EIF2B3: variants seen among roughly 807,000 people sequenced by gnomAD.
EIF2B3 encodes translation initiation factor eIF2B subunit gamma.
EIF2B3 carries 20 observed loss-of-function variants against 54.1 expected under a neutral mutation model. The ratio of observed to expected loss-of-function variants is 0.37; its 90% CI spans 0.26 to 0.54. The LOEUF (loss-of-function observed/expected upper bound fraction) is 0.54, where lower values mean the gene tolerates loss of function less well. EIF2B3 is among the 20% of genes least tolerant of loss of function. The pLI is 0.86. For missense variants in EIF2B3, 448 were observed against 547.8 expected (o/e 0.82, Z 1.82); for synonymous variants, 153 against 188.1 (o/e 0.81, Z 1.52).
intron 5 of EIF2B3, among the ~76,000 whole-genome samples, chr1:44,901,550 CTTTT>C (rs36059931): frequency 3.6e-5 from 4 of 111,574 alleles, no homozygotes; most frequent in East Asian, 2.6e-4. Flanking sequence ...TGGGCCTGGC[CTTTT>C]TTTTTTTTTT....
At chr1:44,898,917 C>T (rs1446934086) in intron 5 of EIF2B3, among the ~76,000 whole-genome samples, 1 of 152,080 alleles carries the variant, frequency 6.6e-6, no homozygotes, top group Non-Finnish European at 1.5e-5. Flanking sequence ...GTCTTGAACT[C>T]CTGAGCTCAA....
At chr1:44,951,629 A>C (rs556070997) in intron 3 of EIF2B3, among the ~76,000 whole-genome samples, 4 of 152,222 alleles carry the variant, frequency 2.6e-5, no homozygotes, top group Non-Finnish European at 5.9e-5. Flanking sequence ...GAAAACTGGT[A>C]ACAGCATTGG....
At chr1:44,864,295 T>C (rs1179068251) in intron 10 of EIF2B3, among the ~76,000 whole-genome samples, 1 of 152,226 alleles carries the variant, frequency 6.6e-6, no homozygotes, top group Non-Finnish European at 1.5e-5. Flanking sequence ...CTGGGCTCGG[T>C]GGCTCATGCC....
chr1:44,855,050 T>C (rs187345947), intron 11 of EIF2B3, among the ~76,000 whole-genome samples: 2 of 149,672 alleles, frequency 1.3e-5, no homozygotes, highest in Admixed American at 1.3e-4. Context: ...AGTGCTGCAC[T>C]GATGGTTAGG....
chr1:44,877,204 A>AAAAAC (rs1655202611), intron 8 of EIF2B3, among the ~76,000 whole-genome samples: 1 of 147,238 alleles, frequency 6.8e-6, no homozygotes, highest in Non-Finnish European at 1.5e-5. Context: ...AAAAAAAAAA[A>AAAAAC]AAAAAAAAAA....
chr1:44,935,501 ATTCT>A (rs1040441030), intron 4 of EIF2B3, among the ~76,000 whole-genome samples: 22 of 152,182 alleles, frequency 1.4e-4, no homozygotes, highest in African/African-American at 4.8e-4. Context: ...GCTTTTATAA[ATTCT>A]TTTTTTATTT....
chr1:44,936,719 T>C (rs1274680225), intron 4 of EIF2B3, among the ~76,000 whole-genome samples: 1 of 152,228 alleles, frequency 6.6e-6, no homozygotes, highest in Admixed American at 6.5e-5. Flanking sequence ...TGTGGTTTTT[T>C]AAAGTACTGC....
At chr1:44,911,282 C>T (rs892526222) in intron 5 of EIF2B3, among the ~76,000 whole-genome samples, 1 of 152,154 alleles carries the variant, frequency 6.6e-6, no homozygotes, top group Admixed American at 6.5e-5. Flanking sequence ...TTTATAACTA[C>T]ACACCAAAGA....
At chr1:44,959,349 G>T in intron 3 of EIF2B3, 1 of 595,118 alleles carries the variant, frequency 1.7e-6, no homozygotes, top group South Asian at 1.7e-5. Flanking sequence ...TGGTGAATTA[G>T]AGCAGCAGCA....
intron 5 of EIF2B3, among the ~76,000 whole-genome samples, chr1:44,917,988 T>C (rs1312079149): frequency 6.6e-6 from 1 of 150,674 alleles, no homozygotes; most frequent in Admixed American, 6.6e-5. Flanking sequence ...TTAGCCAGGA[T>C]GGTCTCAATC....
chr1:44,883,791 C>T (rs112700370), intron 6 of EIF2B3, among the ~76,000 whole-genome samples: 1,563 of 152,294 alleles, frequency 0.01, 8 homozygotes, highest in Admixed American at 0.018. Flanking sequence ...AAGATGAACC[C>T]ACTGAGGAGT....
At chr1:44,878,750 C>G (rs1344970357) in intron 8 of EIF2B3, among the ~76,000 whole-genome samples, 3 of 151,404 alleles carry the variant, frequency 2.0e-5, no homozygotes, top group Non-Finnish European at 4.4e-5. Flanking sequence ...TTATCTTTTC[C>G]TATCCTCTTT....
At chr1:44,853,117 G>A (rs1654326226) in intron 11 of EIF2B3, among the ~76,000 whole-genome samples, 1 of 152,072 alleles carries the variant, frequency 6.6e-6, no homozygotes, top group Non-Finnish European at 1.5e-5. Context: ...GAAGTACCCT[G>A]GAAGCTGATC....
intron 10 of EIF2B3, among the ~76,000 whole-genome samples, chr1:44,863,834 A>G (rs1295031589): frequency 6.6e-6 from 1 of 152,220 alleles, no homozygotes; most frequent in Non-Finnish European, 1.5e-5. Flanking sequence ...CCCCTCTTCA[A>G]CATCATATTT....
At chr1:44,916,429 T>C (rs1410295185) in intron 5 of EIF2B3, among the ~76,000 whole-genome samples, 1 of 150,852 alleles carries the variant, frequency 6.6e-6, no homozygotes, top group Non-Finnish European at 1.5e-5. Flanking sequence ...GATCTCACCA[T>C]ATTGCCCAGG....
intron 4 of EIF2B3, among the ~76,000 whole-genome samples, chr1:44,930,562 C>A (rs1183800160): frequency 2.0e-5 from 3 of 152,202 alleles, no homozygotes; most frequent in Admixed American, 2.0e-4. Context: ...TGTAAACAAG[C>A]CTGGGCTAAC....
intron 4 of EIF2B3, among the ~76,000 whole-genome samples, chr1:44,927,657 G>A (rs544159961): frequency 5.3e-4 from 81 of 152,206 alleles, no homozygotes; most frequent in Middle Eastern, 6.8e-3. Flanking sequence ...AATTGGTGAC[G>A]TTTAAACAAG....
chr1:44,952,215 G>A lies in EIF2B3; in HGVS notation c.295-10550C>T, dbSNP rs35023830. 8.8e-3 allele frequency among the ~76,000 whole-genome samples: 1,070 copies of A among 121,014 alleles called. 125 individuals are homozygous for A. Among genetic ancestry groups the A allele is most frequent in the African/African-American group, 0.031 (1,006 of 32,074 alleles). The allele number at this position is 121,014 out of a possible 152,430, so 79.4% of individuals were successfully genotyped here. A position where few individuals can be genotyped will look rare whatever the true frequency, so the allele number is the denominator to read the frequency against. On this transcript the variant is annotated intron_variant, in intron 3 of 11. Transcript: ENST00000360403. ...CCTGACCTCGTGATCCGCCCGCCTCGGCCTCCCAAAGTGCTGGGATTACAG... is the reference window on the plus strand; with the variant it reads ...CCTGACCTCGTGATCCGCCCGCCTCAGCCTCCCAAAGTGCTGGGATTACAG...
At chr1:44,942,377 T>TTTTATATATATATATATA (rs1318229963) in intron 3 of EIF2B3, among the ~76,000 whole-genome samples, 1 of 21,598 alleles carries the variant, frequency 4.6e-5, no homozygotes, top group African/African-American at 3.0e-4. Context: ...CTTTCTGATT[T>TTTTATATATATATATATA]TATATATATA....
Sources: allele counts gnomAD v4.1 joint callset (sites outside exome capture counted in the v4.1 genomes callset), GRCh38; gene constraint gnomAD v4.1.1; transcripts MANE v1.5; gene names NCBI Gene and HGNC (gene_info 2026-07-23, HGNC 2026-07-21).